MSI2: variants seen among roughly 807,000 people sequenced by gnomAD.
MSI2 encodes the protein musashi RNA binding protein 2.
Under a neutral mutation model 45.6 loss-of-function variants are expected in MSI2, and 17 were observed. The ratio of observed to expected loss-of-function variants is 0.37; its 90% CI spans 0.26 to 0.56. The LOEUF is 0.56. Among genes scored for constraint, MSI2 ranks in the 20% least tolerant of loss-of-function variants. The pLI, the probability that MSI2 is intolerant of heterozygous loss-of-function variation, is 0.77. For synonymous variants in MSI2, 156 were observed against 158.2 expected (o/e 0.99, Z 0.11); for missense variants, 293 against 444.2 (o/e 0.66, Z 3.06).
rs1024996123 is a variant in MSI2 at position 57,464,058 on chromosome 17, G to T, written c.405+62587G>T. ...GTGTGTGTTTTCAAGAATATTTTCT[G>T]GACTCACAGTGGTTCTGTCTCCTTG... On this transcript the variant is annotated intron_variant, in intron 6 of 13. Coordinates refer to ENST00000284073, the MANE Select transcript of MSI2 (RefSeq NM_138962.4). Among the ~76,000 whole-genome samples, 36 of 151,370 alleles carry T rather than the reference G, an allele frequency of 2.4e-4. 1 individual carries two copies. Among genetic ancestry groups the T allele is most frequent in the African/African-American group, 8.8e-4 (36 of 41,136 alleles).
chr17:57,343,719 G>A (rs918959765), intron 5 of MSI2, among the ~76,000 whole-genome samples: 1 of 152,178 alleles, frequency 6.6e-6, no homozygotes, highest in Admixed American at 6.5e-5. Flanking sequence ...GGAGGATCAG[G>A]TATAACATTT....
chr17:57,368,069 CT>C lies in MSI2; in HGVS notation c.313-33309del, dbSNP rs1180649681. ...GTACCCAAATTGTGGTTCGGGACCC[CT>C]GGGCATTCCTGATAACCTTTCAAAG... On this transcript the variant is annotated intron_variant, in intron 5 of 13. Coordinates refer to ENST00000284073, the MANE Select transcript of MSI2 (RefSeq NM_138962.4). Among the ~76,000 whole-genome samples the C allele has an allele frequency of 3.9e-5, 6 of 152,174 alleles. No individual in the cohort carries two copies. The East Asian group carries it at 1.2e-3, about 29-fold the overall frequency.
intron 5 of MSI2, among the ~76,000 whole-genome samples, chr17:57,380,436 T>C (rs1362612243): frequency 6.6e-6 from 1 of 152,130 alleles, no homozygotes; most frequent in Non-Finnish European, 1.5e-5. Context: ...ACCCAGACTT[T>C]CATTTTGGTT....
chr17:57,528,070 G>A (rs2086741263), intron 6 of MSI2, among the ~76,000 whole-genome samples: 1 of 152,040 alleles, frequency 6.6e-6, no homozygotes, highest in Admixed American at 6.6e-5. Context: ...AAATTGCTCT[G>A]AGGACAGGGC....
At chr17:57,521,752 C>T (rs1383368855) in intron 6 of MSI2, among the ~76,000 whole-genome samples, 1 of 152,156 alleles carries the variant, frequency 6.6e-6, no homozygotes. Flanking sequence ...CACTGGGGAG[C>T]TTTAAAAAAT....
Position 57,499,942 on chromosome 17 carries a change from CT to C in MSI2, c.406-29722del, listed in dbSNP as rs879874075. 2.7e-3 allele frequency among the ~76,000 whole-genome samples: 394 copies of C among 145,888 alleles called. 2 individuals are homozygous for C. Among genetic ancestry groups the C allele is most frequent in the African/African-American group, 4.3e-3 (171 of 40,068 alleles). ...CACAGACAAGGCAGAAGCGTGTTCA[CT>C]TTTTTTTTTTTAACCTAACCTCAAA... On this transcript the variant is annotated intron_variant, in intron 6 of 13. Transcript: ENST00000284073.
rs181035122 is a variant in MSI2 at position 57,407,416 on chromosome 17, G to C, written c.405+5945G>C. Among the ~76,000 whole-genome samples the C allele has an allele frequency of 1.3e-5, 2 of 152,348 alleles. No individual in the cohort carries two copies. Among genetic ancestry groups the C allele is most frequent in the African/African-American group, 4.8e-5 (2 of 41,580 alleles). ...AATTTAAAAGGCATGAGATCTGTGA[G>C]AAGATAAATAAGCCTGAGAGTGGAC... is the stretch of plus-strand genomic sequence containing the variant. On this transcript the variant is annotated intron_variant, in intron 6 of 13. Coordinates refer to ENST00000284073, the MANE Select transcript of MSI2 (RefSeq NM_138962.4). This position sits in a 1 kb window ranked among gnomAD's most constrained non-coding sequence, Gnocchi z 4.1.
At chr17:57,350,865 G>A (rs1915981403) in intron 5 of MSI2, among the ~76,000 whole-genome samples, 1 of 152,140 alleles carries the variant, frequency 6.6e-6, no homozygotes, top group Admixed American at 6.5e-5. Flanking sequence ...ATGGGAGGGG[G>A]TACTTGAGAA....
chr17:57,584,031 T>C (rs574191113), intron 7 of MSI2, among the ~76,000 whole-genome samples: 1 of 152,314 alleles, frequency 6.6e-6, no homozygotes, highest in Admixed American at 6.5e-5. Context: ...GGCCTGAGAC[T>C]GCATTTCCAA....
At position 57,550,155 on chromosome 17, in the gene MSI2, C is replaced by T. The variant is rs1326823545; in HGVS notation, c.454+20431C>T. Among the ~76,000 whole-genome samples the T allele has an allele frequency of 3.9e-5, 6 of 152,178 alleles. No individual in the cohort carries two copies. In the East Asian group the frequency reaches 1.2e-3, roughly 29 times the overall value. On this transcript the variant is annotated intron_variant, in intron 7 of 13. Transcript: ENST00000284073. ...ATCGAGAATAGCTGCCGAAGACAAA[C>T]GCCCCTTTTAAGTGCTATCAGTGCA...
At chr17:57,481,739 G>A (rs1336908091) in intron 6 of MSI2, among the ~76,000 whole-genome samples, 1 of 152,158 alleles carries the variant, frequency 6.6e-6, no homozygotes, top group Non-Finnish European at 1.5e-5. Flanking sequence ...AGGCAACAGT[G>A]GTAAGACTCG....
At chr17:57,598,171 C>T (rs1038995648) in intron 8 of MSI2, among the ~76,000 whole-genome samples, 40 of 152,184 alleles carry the variant, frequency 2.6e-4, no homozygotes, top group African/African-American at 9.2e-4. Context: ...TGGTTGGCCA[C>T]GAGAGCCTCC....
chr17:57,313,276 G>A (rs1314279979), intron 5 of MSI2, among the ~76,000 whole-genome samples: 1 of 152,008 alleles, frequency 6.6e-6, no homozygotes, highest in Non-Finnish European at 1.5e-5. Flanking sequence ...GTCTGACTCT[G>A]TTTGGTCTCC....
chr17:57,302,303 T>A (rs1398987454), intron 5 of MSI2, among the ~76,000 whole-genome samples: 1 of 152,150 alleles, frequency 6.6e-6, no homozygotes, highest in Non-Finnish European at 1.5e-5. Context: ...TGAGACAGGG[T>A]CTTGCTGTGT....
At chr17:57,492,465 G>T (rs1381532839) in intron 6 of MSI2, among the ~76,000 whole-genome samples, 2 of 152,206 alleles carry the variant, frequency 1.3e-5, no homozygotes, top group East Asian at 3.8e-4. Context: ...GCTGATGCTG[G>T]ATGGGCAAGG....
At chr17:57,397,892 T>C (rs1220065520) in intron 5 of MSI2, among the ~76,000 whole-genome samples, 1 of 152,226 alleles carries the variant, frequency 6.6e-6, no homozygotes, top group Non-Finnish European at 1.5e-5. Flanking sequence ...CAGTGTTTGC[T>C]GAGGAGTGGG....
intron 5 of MSI2, among the ~76,000 whole-genome samples, chr17:57,371,995 G>T (rs764020143): frequency 1.3e-5 from 2 of 150,088 alleles, no homozygotes; most frequent in African/African-American, 2.5e-5. Context: ...ATCTTACATT[G>T]GCCCTCCCGA....
At chr17:57,404,515 G>C (rs2084048453) in intron 6 of MSI2, among the ~76,000 whole-genome samples, 2 of 152,118 alleles carry the variant, frequency 1.3e-5, no homozygotes, top group Admixed American at 1.3e-4. Context: ...AGGTCACCCA[G>C]GTAAGACAGT....
chr17:57,545,411 C>T lies in MSI2; in HGVS notation c.454+15687C>T, dbSNP rs376616598. Reference sequence around the variant, plus strand: ...ATATTTATAGCTAGGAGCACGTGCCCTTCTCAACTCCAGACATCCCCACCC... The same window carrying T: ...ATATTTATAGCTAGGAGCACGTGCCTTTCTCAACTCCAGACATCCCCACCC... On this transcript the variant is annotated intron_variant, in intron 7 of 13. Coordinates refer to ENST00000284073, the MANE Select transcript of MSI2 (RefSeq NM_138962.4). 2.2e-4 allele frequency among the ~76,000 whole-genome samples: 33 copies of T among 152,172 alleles called. 2 individuals are homozygous for T. Among genetic ancestry groups the T allele is most frequent in the East Asian group, 1.5e-3 (8 of 5,196 alleles).
Sources: allele counts gnomAD v4.1 joint callset (sites outside exome capture counted in the v4.1 genomes callset), GRCh38; gene constraint gnomAD v4.1.1; non-coding constraint Gnocchi (gnomAD v3.1); transcripts MANE v1.5; gene names NCBI Gene and HGNC (gene_info 2026-07-23, HGNC 2026-07-21).